The following DSP variants were observed in gnomAD, a reference collection of about 807,000 sequenced individuals.
DSP encodes the protein desmoplakin.
A neutral mutation model predicts 290.6 loss-of-function variants in DSP; 114 were observed. The observed-to-expected ratio is 0.39, with a 90% CI of 0.34 to 0.46. The LOEUF (loss-of-function observed/expected upper bound fraction) is 0.46. Ranked by LOEUF, DSP falls within the 20% of genes least tolerant of loss-of-function variation. The pLI is 0.99. For missense variants in DSP, 3,230 were observed against 3,495.8 expected (o/e 0.92, Z 1.92); for synonymous variants, 1,311 against 1,316.4 (o/e 1.00, Z 0.09).
At chr6:7,567,192 T>C (rs529942992) in intron 8 of DSP, among the ~76,000 whole-genome samples, 162 bp from the exon 9 acceptor site, 3 of 152,328 alleles carry the variant, frequency 2.0e-5, no homozygotes, top group East Asian at 1.9e-4. Context: ...CCAAGAGATA[T>C]ATGGTGAGAA....
chr6:7,568,109 G>A (rs1312603883), intron 10 of DSP, among the ~76,000 whole-genome samples: 1 of 152,170 alleles, frequency 6.6e-6, no homozygotes, highest in Non-Finnish European at 1.5e-5. Context: ...TTTTGCTTCA[G>A]TCTGGGCAAT....
intron 1 of DSP, among the ~76,000 whole-genome samples, chr6:7,548,034 C>G (rs1167980610): frequency 6.6e-6 from 1 of 152,002 alleles, no homozygotes; most frequent in Non-Finnish European, 1.5e-5. Flanking sequence ...TTTGGGAGGC[C>G]GAGGTGGGCG....
Position 7,575,683 on chromosome 6 carries a change from C to T in DSP, c.2630+195C>T, listed in dbSNP as rs573715184. On this transcript the variant is annotated intron_variant, in intron 18 of 23. Transcript: ENST00000379802. Reference sequence around the variant, plus strand: ...TGGAAGGAGAATGCATCACGATAGCCAACCCTGTGCAGGCCAGGTGCCATC... The same window carrying T: ...TGGAAGGAGAATGCATCACGATAGCTAACCCTGTGCAGGCCAGGTGCCATC... Among the ~76,000 whole-genome samples, 153 of 152,316 alleles carry T rather than the reference C, an allele frequency of 1.0e-3. 2 individuals are homozygous for T. The highest frequency in any genetic ancestry group is 3.6e-3 in the African/African-American group (151 of 41,574).
chr6:7,585,116 C>G lies in DSP; in HGVS notation c.7854C>G (p.Pro2618=), dbSNP rs759590338. ...SFSDTLEESS[P]IAAIFDTENL... is the part of the protein sequence containing the mutation. ...CAGACACCCTGGAAGAATCGAGCCC[C>G]ATTGCAGCCATCTTTGACACAGAAA... The change falls in exon 24 of 24, where the codon CCC becomes CCG. Residue 2618 remains proline, a synonymous_variant. Transcript: ENST00000379802. The G allele has an allele frequency of 6.2e-7, 1 of 1,614,162 alleles. No homozygotes were observed. The highest frequency in any genetic ancestry group is 8.5e-7 in the Non-Finnish European group (1 of 1,180,036).
intron 9 of DSP, 103 bp from the exon 10 acceptor site, chr6:7,567,678 T>A (rs1283992735): frequency 6.4e-7 from 1 of 1,567,406 alleles, no homozygotes; most frequent in Non-Finnish European, 8.7e-7. Context: ...TTTAGCCACC[T>A]GTCAAAGAGA....
At chr6:7,576,215 G>A (rs763312269) in intron 18 of DSP, 79 bp from the exon 19 acceptor site, 4 of 1,499,010 alleles carry the variant, frequency 2.7e-6, no homozygotes, top group Non-Finnish European at 3.7e-6. Context: ...TATATATCAA[G>A]TGAATTTCTG....
chr6:7,545,231 A>C (rs904607644), intron 1 of DSP, among the ~76,000 whole-genome samples: 12 of 152,210 alleles, frequency 7.9e-5, no homozygotes, highest in African/African-American at 2.9e-4. Context: ...ATACATTTTA[A>C]AGTTAGTCTT....
At chr6:7,558,296 C>T (rs75293156) in intron 3 of DSP, 32 bp downstream of exon 3, 4 of 1,603,304 alleles carry the variant, frequency 2.5e-6, no homozygotes, top group African/African-American at 2.7e-5. Flanking sequence ...TCGGGCAGTC[C>T]CCATGAAAAA....
chr6:7,571,986 A>C lies in DSP; in HGVS notation c.2048A>C (p.Glu683Ala). The change falls in exon 15 of 24, where the codon GAG (glutamate) becomes GCG (alanine). Residue 683 changes from glutamate to alanine, a missense_variant. By Grantham distance (107) the Glu-to-Ala change is moderately radical. Coordinates refer to ENST00000379802, the MANE Select transcript of DSP (RefSeq NM_004415.4). ...ATTCGCAGGCAGATAGAGCACTGCG[A>C]GGGCAGGATGACTCTCAAAAACCTC... Reference protein sequence around the residue: ...QKIRRQIEHCEGRMTLKNLPL... With the variant: ...QKIRRQIEHCAGRMTLKNLPL... 1 of 1,614,208 alleles carries C rather than the reference A, an allele frequency of 6.2e-7. No homozygotes were observed.
At position 7,585,498 on chromosome 6, in the gene DSP, A is replaced by T; in HGVS notation, c.8236A>T (p.Ser2746Cys). 2 of 1,614,192 alleles carry T rather than the reference A, an allele frequency of 1.2e-6. No homozygotes were observed. The highest frequency in any genetic ancestry group is 1.7e-6 in the Non-Finnish European group (2 of 1,180,036). ...TGACCCGGAAGTGCATGGGAGGATA[A>T]GCACCGAAGAAGCCATCCGGAAGGG... ...LVDPEVHGRISTEEAIRKGFI... is the reference protein window; with the variant it reads ...LVDPEVHGRICTEEAIRKGFI... The change falls in exon 24 of 24, where the codon AGC becomes TGC. Residue 2746 changes from serine to cysteine, a missense_variant. Ser to Cys is a moderately radical substitution (Grantham distance 112). This residue lies in a region of DSP where 582 missense variants were observed against 555.4 expected (regional missense o/e 1.05). Coordinates refer to ENST00000379802, the MANE Select transcript of DSP (RefSeq NM_004415.4).
rs1759442782 is a variant in DSP at position 7,581,558 on chromosome 6, C to A, written c.5368C>A (p.Gln1790Lys). The A allele has an allele frequency of 6.2e-7, 1 of 1,613,322 alleles. No homozygotes were observed. Among genetic ancestry groups the A allele is most frequent in the African/African-American group, 1.3e-5 (1 of 74,934 alleles). Residue 1790 changes from glutamine to lysine, a missense_variant, in exon 23 of 24, where the codon CAG (glutamine) becomes AAG (lysine). By Grantham distance (53) the Gln-to-Lys change is moderately conservative. Around this residue, in one of 5 missense-constraint regions of DSP, gnomAD observed 1,714 missense variants for 1,844.5 expected, o/e 0.93. Coordinates refer to ENST00000379802, the MANE Select transcript of DSP (RefSeq NM_004415.4). ...ACAGGAAATTGAGAAATTCCAAAAGCAGGCTTTAGAGGTATTCACAAATAC... is the reference window on the plus strand; with the variant it reads ...ACAGGAAATTGAGAAATTCCAAAAGAAGGCTTTAGAGGTATTCACAAATAC... ...LRQEIEKFQKQALEASNRIQE... is the reference protein window; with the variant it reads ...LRQEIEKFQKKALEASNRIQE...
At chr6:7,554,127 C>CACACACACACACACACACACACA (rs1171658955) in intron 1 of DSP, among the ~76,000 whole-genome samples, 9 of 23,974 alleles carry the variant, frequency 3.8e-4, no homozygotes, top group Non-Finnish European at 6.5e-4. Flanking sequence ...ACACACACAC[C>CACACACACACACACACACACACA]CAGTTGGTTA....
intron 6 of DSP, among the ~76,000 whole-genome samples, chr6:7,564,710 T>G (rs1057445548): frequency 6.6e-6 from 1 of 152,152 alleles, no homozygotes; most frequent in African/African-American, 2.4e-5. Flanking sequence ...AAAAGATAAA[T>G]GTTCGAGGTG....
At chr6:7,559,123 GCTTCTCT>G in intron 3 of DSP, 96 bp from the exon 4 acceptor site, 1 of 1,294,020 alleles carries the variant, frequency 7.7e-7, no homozygotes, top group Non-Finnish European at 1.1e-6. Flanking sequence ...AACATTTGTA[GCTTCTCT>G]ATTGACACAA....
chr6:7,569,157 G>T (rs1561688360), intron 11 of DSP, 29 bp from the exon 12 acceptor site: 1 of 1,614,078 alleles, frequency 6.2e-7, no homozygotes, highest in East Asian at 2.2e-5. Context: ...TATGAATAAA[G>T]CCAAACCCTG....
rs765645957 is a variant in DSP at position 7,579,874 on chromosome 6, A to G, written c.3684A>G (p.Lys1228=). The G allele has an allele frequency of 1.9e-6, 3 of 1,614,188 alleles. No individual in the cohort carries two copies. ...CCATCAAGGAGATATCCATGCAAAA[A>G]GAGGATGATTCCAAAAATCTTAGAA... ...KTTIKEISMQ[K]EDDSKNLRNQ... is the part of the protein sequence containing the mutation. The change falls in exon 23 of 24, where the codon AAA becomes AAG. Residue 1228 remains lysine, a synonymous_variant. Transcript: ENST00000379802. This position sits in a 1 kb window ranked among gnomAD's most constrained non-coding sequence, Gnocchi z 4.1.
rs200962599 is a variant in DSP at position 7,566,512 on chromosome 6, G to GA, written c.1044+42dup. The GA allele has an allele frequency of 0.074, 79,714 of 1,071,228 alleles. No homozygotes were observed. The highest frequency in any genetic ancestry group is 0.079 in the East Asian group (2,030 of 25,748). 66.4% of individuals were successfully genotyped at this position (1,071,228 alleles called of 1,614,324 possible). A position where few individuals can be genotyped will look rare whatever the true frequency, so the allele number is the denominator to read the frequency against. ...CTTCATGAGGTTTATATTTTTGTTA[G>GA]AAAAAAAAAAACTTTTCATAAAGTA... On this transcript the variant is annotated intron_variant, in intron 8 of 23. Coordinates refer to ENST00000379802, the MANE Select transcript of DSP (RefSeq NM_004415.4).
rs777613109 is a variant in DSP, at chr6:7,576,371, A to G, written c.2708A>G (p.Tyr903Cys). 4.3e-6 allele frequency: 7 copies of G among 1,614,170 alleles called. No homozygotes were observed. Among genetic ancestry groups the G allele is most frequent in the South Asian group, 3.3e-5 (3 of 91,084 alleles). ...DNYQAFCKWL[Y>C]DAKRRQDSLE... Reference sequence around the variant, plus strand: ...TATCAGGCTTTCTGCAAGTGGCTCTATGATGCTAAACGCCGCCAGGATTCC... The same window carrying G: ...TATCAGGCTTTCTGCAAGTGGCTCTGTGATGCTAAACGCCGCCAGGATTCC... Residue 903 changes from tyrosine (Y) to cysteine (C), a missense_variant, in exon 19 of 24, where the codon TAT becomes TGT. Around this residue, in one of 5 missense-constraint regions of DSP, gnomAD observed 1,714 missense variants for 1,844.5 expected, o/e 0.93. Transcript: ENST00000379802.
chr6:7,550,339 G>A (rs1481028374), intron 1 of DSP, among the ~76,000 whole-genome samples: 2 of 152,146 alleles, frequency 1.3e-5, no homozygotes, highest in Admixed American at 6.6e-5. Context: ...ACAGGCATGA[G>A]CCACGGCACC....
Sources: gnomAD v4.1 joint callset for allele counts (sites outside exome capture counted in the v4.1 genomes callset) on GRCh38, gnomAD v4.1.1 for gene constraint, gnomAD v4.1.1 regional missense constraint, Gnocchi (gnomAD v3.1) non-coding constraint, MANE v1.5 for transcripts, NCBI Gene and HGNC (gene_info 2026-07-23, HGNC 2026-07-21) for gene names.